Variants in CEP85L observed in about 807,000 individuals in gnomAD.
CEP85L encodes the protein centrosomal protein 85L, also known as centrosomal protein of 85 kDa-like.
A neutral mutation model predicts 100.3 loss-of-function variants in CEP85L; 60 were observed. The ratio of observed to expected loss-of-function variants is 0.60; its 90% CI spans 0.49 to 0.74. The LOEUF (loss-of-function observed/expected upper bound fraction) is 0.74. Among genes scored for constraint, CEP85L ranks in the 30% least tolerant of loss-of-function variants. The pLI is 0.00. For missense variants in CEP85L, 973 were observed against 936.2 expected (o/e 1.04, Z -0.51); for synonymous variants, 319 against 322.7 (o/e 0.99, Z 0.12).
chr6:118,566,201 T>C lies in CEP85L; in HGVS notation c.348A>G (p.Glu116=). ...ATTTTGAGCCATCTGGTGTCAATGA[T>C]TCCCTAAGTTTGGAAATTGAAGCGC... ...NSSASISKLR[E]SLTPDGSKWS... is the part of the protein sequence containing the mutation. The change falls in exon 3 of 13, where the codon GAA becomes GAG. Residue 116 remains glutamate (E), a synonymous_variant. Transcript: ENST00000368491. 1 of 1,614,186 alleles carries C rather than the reference T, an allele frequency of 6.2e-7. No individual in the cohort carries two copies. The highest frequency in any genetic ancestry group is 8.5e-7 in the Non-Finnish European group (1 of 1,180,024).
chr6:118,591,383 A>C (rs989313208), intron 2 of CEP85L, among the ~76,000 whole-genome samples: 10 of 151,674 alleles, frequency 6.6e-5, no homozygotes, highest in African/African-American at 2.4e-4. Context: ...AACTGAACGT[A>C]CCTCTGATTG....
chr6:118,523,802 C>T lies in CEP85L; in HGVS notation c.1139G>A (p.Arg380Gln), dbSNP rs780737525. 7.8e-6 allele frequency: 11 copies of T among 1,405,074 alleles called. No homozygotes were observed. In the Admixed American group the frequency reaches 8.7e-5, roughly 11 times the overall value. 87.0% of individuals were successfully genotyped at this position (1,405,074 alleles called of 1,614,324 possible). Reference sequence around the variant, plus strand: ...ATTTAATAATTTAAAATAGACTCACCGATCGATTACAATTTCTTTCTGCCT... The same window carrying T: ...ATTTAATAATTTAAAATAGACTCACTGATCGATTACAATTTCTTTCTGCCT... Reference protein sequence around the residue: ...LLRQKEIVIDRQKQQITHLHE... With the variant: ...LLRQKEIVIDQQKQQITHLHE... Residue 380 changes from arginine (R) to glutamine (Q), a missense_variant and splice_region_variant, in exon 4 of 13, where the codon CGG becomes CAG. Physicochemically the swap from Arg to Gln is conservative, Grantham distance 43. Transcript: ENST00000368491.
intron 2 of CEP85L, among the ~76,000 whole-genome samples, chr6:118,604,578 ATGTTAACTT>A: frequency 6.6e-6 from 1 of 152,322 alleles, no homozygotes; most frequent in East Asian, 1.9e-4. Context: ...ACATGTTACG[ATGTTAACTT>A]TTACGTTTGG....
intron 3 of CEP85L, among the ~76,000 whole-genome samples, chr6:118,549,510 T>C (rs1205088138): frequency 6.6e-6 from 1 of 151,852 alleles, no homozygotes; most frequent in Non-Finnish European, 1.5e-5. Context: ...TCTCTAAAAT[T>C]CTCAATTCCT....
At chr6:118,683,832 C>G (rs1039230861) in intron 1 of CEP85L, among the ~76,000 whole-genome samples, 1 of 152,200 alleles carries the variant, frequency 6.6e-6, no homozygotes, top group African/African-American at 2.4e-5. Context: ...TTTGTTGGGT[C>G]ATGGCATGCT....
In CEP85L at chr6:118,519,576, GTGT is replaced by G. The variant is rs1296532907; in HGVS notation, c.1139+4223_1139+4225del. 2.4e-3 allele frequency among the ~76,000 whole-genome samples: 33 copies of G among 13,800 alleles called. 3 individuals are homozygous for G. Among genetic ancestry groups the G allele is most frequent in the Non-Finnish European group, 6.6e-3 (26 of 3,932 alleles). 9.1% of individuals were successfully genotyped at this position (13,800 alleles called of 152,430 possible). On this transcript the variant is annotated intron_variant, in intron 4 of 12. Coordinates refer to ENST00000368491, the MANE Select transcript of CEP85L (RefSeq NM_001042475.3). ...TGTGTGTGTGTGTGTGTGTGTGTGT[GTGT>G]GTGGCGGGGGGGGGGTGTGAAACTC...
At chr6:118,661,462 TA>T in intron 1 of CEP85L, among the ~76,000 whole-genome samples, 1 of 152,250 alleles carries the variant, frequency 6.6e-6, no homozygotes, top group South Asian at 2.1e-4. Flanking sequence ...CTTTTTCTTT[TA>T]AAATTACATT....
At position 118,551,271 on chromosome 6, in the gene CEP85L, G is replaced by T. The variant is rs145085098; in HGVS notation, c.1020+14258C>A. Reference sequence around the variant, plus strand: ...GTACAGCATACTCATAGTCAACTGAGGACCTCTAGTGCCTTTGAAAAGGTA... The same window carrying T: ...GTACAGCATACTCATAGTCAACTGATGACCTCTAGTGCCTTTGAAAAGGTA... On this transcript the variant is annotated intron_variant, in intron 3 of 12. Transcript: ENST00000368491. Among the ~76,000 whole-genome samples the T allele has an allele frequency of 3.3e-3, 496 of 151,840 alleles. 3 individuals are homozygous for T. The highest frequency in any genetic ancestry group is 0.012 in the African/African-American group (483 of 41,476).
intron 2 of CEP85L, among the ~76,000 whole-genome samples, chr6:118,604,299 G>C (rs939108488): frequency 6.6e-6 from 1 of 152,066 alleles, no homozygotes; most frequent in African/African-American, 2.4e-5. Flanking sequence ...AACCTGTTGT[G>C]CTTTTATTCC....
chr6:118,539,755 C>A lies in CEP85L; in HGVS notation c.1021-15835G>T, dbSNP rs535856332. On this transcript the variant is annotated intron_variant, in intron 3 of 12. Transcript: ENST00000368491. ...TTTATCATGATGCTCTCCCTCCCCC[C>A]AAAAAAAGAAACTACTAAAGGGAGC... 3.3e-5 allele frequency among the ~76,000 whole-genome samples: 5 copies of A among 151,936 alleles called. No homozygotes were observed. The East Asian group carries it at 9.7e-4, about 29-fold the overall frequency.
chr6:118,672,814 AAGGAGGAGGAAGAGG>A (rs1167202918), intron 1 of CEP85L, among the ~76,000 whole-genome samples: 10 of 136,548 alleles, frequency 7.3e-5, no homozygotes, highest in South Asian at 4.6e-4. Context: ...GAGGAAGGAG[AAGGAGGAGGAAGAGG>A]AGGAGGAGGA....
intron 3 of CEP85L, among the ~76,000 whole-genome samples, chr6:118,545,525 T>C (rs555739737): frequency 1.2e-3 from 184 of 152,040 alleles, no homozygotes; most frequent in African/African-American, 4.2e-3. Flanking sequence ...GAGGGAGAGG[T>C]TGCAGTGAGC....
chr6:118,632,948 C>G (rs371525318), intron 1 of CEP85L, among the ~76,000 whole-genome samples: 19 of 152,264 alleles, frequency 1.2e-4, no homozygotes, highest in African/African-American at 4.6e-4. Flanking sequence ...TGATAGGTGG[C>G]ATCTGTGATT....
At chr6:118,522,960 A>G (rs548496639) in intron 4 of CEP85L, among the ~76,000 whole-genome samples, 2 of 152,318 alleles carry the variant, frequency 1.3e-5, no homozygotes, top group Admixed American at 1.3e-4. Flanking sequence ...GTAGATCTTC[A>G]TTAACAATGC....
At chr6:118,541,660 A>C (rs1382801324) in intron 3 of CEP85L, among the ~76,000 whole-genome samples, 1 of 152,198 alleles carries the variant, frequency 6.6e-6, no homozygotes, top group Non-Finnish European at 1.5e-5. Context: ...AACCTATCTT[A>C]AATGTTGATA....
chr6:118,649,347 T>G (rs906196282), intron 1 of CEP85L, among the ~76,000 whole-genome samples: 3 of 152,214 alleles, frequency 2.0e-5, no homozygotes, highest in African/African-American at 4.8e-5. Flanking sequence ...AGGGTAGTAA[T>G]TACAAAGTAT....
chr6:118,637,626 A>C (rs899713622), intron 1 of CEP85L, among the ~76,000 whole-genome samples: 1 of 149,192 alleles, frequency 6.7e-6, no homozygotes, highest in African/African-American at 2.5e-5. Context: ...AAGCTACTTG[A>C]ACCCAGGAGG....
chr6:118,655,888 A>G (rs1027997014), upstream of CEP85L, among the ~76,000 whole-genome samples: 22 of 152,204 alleles, frequency 1.4e-4, no homozygotes, highest in Non-Finnish European at 3.2e-4. Context: ...GATGGGGAAA[A>G]AAGACCAAAG....
chr6:118,683,521 A>C (rs1000556094), intron 1 of CEP85L, among the ~76,000 whole-genome samples: 1 of 152,100 alleles, frequency 6.6e-6, no homozygotes, highest in African/African-American at 2.4e-5. Context: ...TCCTTTCCCA[A>C]CTCCAGCAGT....
Sources: allele counts gnomAD v4.1 joint callset (sites outside exome capture counted in the v4.1 genomes callset), GRCh38; gene constraint gnomAD v4.1.1; transcripts MANE v1.5; gene names NCBI Gene and HGNC (gene_info 2026-07-23, HGNC 2026-07-21).